ASTN2: variants seen among roughly 807,000 people sequenced by gnomAD.
ASTN2 encodes astrotactin-2.
Under a neutral mutation model 139.8 loss-of-function variants are expected in ASTN2, and 54 were observed. The observed-to-expected ratio is 0.39, with a 90% CI of 0.31 to 0.48. The LOEUF (loss-of-function observed/expected upper bound fraction) is 0.48, where lower values mean the gene tolerates loss of function less well. Among genes scored for constraint, ASTN2 ranks in the 20% least tolerant of loss-of-function variants. The pLI, the probability that ASTN2 is intolerant of heterozygous loss-of-function variation, is 0.95. For synonymous variants in ASTN2, 756 were observed against 719.5 expected (o/e 1.05, Z -0.81); for missense variants, 1,565 against 1,725.1 (o/e 0.91, Z 1.64).
At chr9:117,007,230 C>G (rs1234453575) in intron 7 of ASTN2, among the ~76,000 whole-genome samples, 3 of 152,180 alleles carry the variant, frequency 2.0e-5, no homozygotes, top group Non-Finnish European at 2.9e-5. Flanking sequence ...AAACTCCCAG[C>G]TTAGCACTCC....
chr9:116,867,210 A>G (rs144546441), intron 10 of ASTN2, among the ~76,000 whole-genome samples: 300 of 152,236 alleles, frequency 2.0e-3, no homozygotes, highest in African/African-American at 6.6e-3. Flanking sequence ...TAAGAAACAG[A>G]TGAAAAGAGG....
At chr9:116,581,241 G>A (rs1853938944) in intron 19 of ASTN2, among the ~76,000 whole-genome samples, 1 of 152,082 alleles carries the variant, frequency 6.6e-6, no homozygotes, top group African/African-American at 2.4e-5. Flanking sequence ...TCAGCTGGAT[G>A]GCAACATGGC....
chr9:117,368,279 G>GCACACATGTGCATGCACACACA (rs1284566670), intron 1 of ASTN2, among the ~76,000 whole-genome samples: 8 of 151,720 alleles, frequency 5.3e-5, no homozygotes, highest in African/African-American at 1.5e-4. Flanking sequence ...ATGCACATGC[G>GCACACATGTGCATGCACACACA]CACACATGTG....
At chr9:116,540,294 T>C (rs920699650) in intron 19 of ASTN2, 1 of 152,114 alleles carries the variant, frequency 6.6e-6, no homozygotes, top group South Asian at 2.1e-4. Flanking sequence ...GCTTAAAACA[T>C]AAGGAAAAGA....
At chr9:116,505,440 A>T (rs1850068738) in intron 19 of ASTN2, among the ~76,000 whole-genome samples, 1 of 152,184 alleles carries the variant, frequency 6.6e-6, no homozygotes, top group South Asian at 2.1e-4. Flanking sequence ...AAAGCAAGGC[A>T]AAACCAAACC....
At chr9:117,233,482 A>C (rs1160136296) in intron 2 of ASTN2, among the ~76,000 whole-genome samples, 1 of 152,170 alleles carries the variant, frequency 6.6e-6, no homozygotes, top group African/African-American at 2.4e-5. Context: ...CAAATTACTA[A>C]GGGCTATCTA....
rs73658705 is a variant in ASTN2, at chr9:116,868,454, A to G, written c.1890-4721T>C. On this transcript the variant is annotated intron_variant, in intron 10 of 22. Coordinates refer to ENST00000313400, the MANE Select transcript of ASTN2 (RefSeq NM_001365068.1). ...CCTCCTAACAGTAAGGCCCGTAAGA[A>G]TGTGTGTTCAATCTCTCTGTCTTAG... Among the ~76,000 whole-genome samples the G allele has an allele frequency of 2.2e-3, 331 of 152,220 alleles. 2 individuals are homozygous for G. The highest frequency in any genetic ancestry group is 7.5e-3 in the African/African-American group (310 of 41,528).
intron 3 of ASTN2, among the ~76,000 whole-genome samples, chr9:117,187,281 C>T (rs1248192880): frequency 6.6e-6 from 1 of 152,060 alleles, no homozygotes; most frequent in Admixed American, 6.5e-5. Context: ...CCTGAAGGAA[C>T]TGGGGGAACA....
intron 16 of ASTN2, chr9:116,697,578 T>C: frequency 1.2e-6 from 1 of 856,244 alleles, no homozygotes; most frequent in Non-Finnish European, 1.8e-6. Flanking sequence ...GAATGACTGG[T>C]CATAGCTATT....
chr9:117,348,586 CT>C (rs1829295323), intron 1 of ASTN2, among the ~76,000 whole-genome samples: 1 of 152,100 alleles, frequency 6.6e-6, no homozygotes, highest in Non-Finnish European at 1.5e-5. Context: ...GATTTGTGTT[CT>C]GTATCCTTAA....
intron 11 of ASTN2, among the ~76,000 whole-genome samples, chr9:116,842,548 T>C (rs1173016365): frequency 6.6e-6 from 1 of 151,768 alleles, no homozygotes; most frequent in Non-Finnish European, 1.5e-5. Flanking sequence ...CAGTCCCCAG[T>C]CCCCCACCCC....
intron 17 of ASTN2, among the ~76,000 whole-genome samples, chr9:116,645,714 A>G (rs547168482): frequency 6.6e-6 from 1 of 152,326 alleles, no homozygotes; most frequent in East Asian, 1.9e-4. Context: ...TATGATATTC[A>G]TTGCCAACAG....
intron 18 of ASTN2, among the ~76,000 whole-genome samples, chr9:116,619,926 T>A (rs546082334): frequency 6.6e-6 from 1 of 152,218 alleles, no homozygotes; most frequent in East Asian, 1.9e-4. Flanking sequence ...ACTGTGCCAA[T>A]CTTGTTTCGT....
chr9:117,197,779 CTTT>C (rs1564472695), intron 3 of ASTN2, among the ~76,000 whole-genome samples: 1 of 152,172 alleles, frequency 6.6e-6, no homozygotes, highest in African/African-American at 2.4e-5. Context: ...ATACAAACTT[CTTT>C]TTTTGTCTGA....
At chr9:116,581,021 G>A (rs930666094) in intron 19 of ASTN2, among the ~76,000 whole-genome samples, 10 of 152,080 alleles carry the variant, frequency 6.6e-5, no homozygotes, top group Non-Finnish European at 1.3e-4. Context: ...AAGTTTTGTT[G>A]GACTCTTTTC....
At chr9:116,782,014 A>T (rs1193589383) in intron 13 of ASTN2, among the ~76,000 whole-genome samples, 1 of 151,960 alleles carries the variant, frequency 6.6e-6, no homozygotes, top group Non-Finnish European at 1.5e-5. Flanking sequence ...CAAAACCCAT[A>T]CTCTTTCCAG....
At chr9:116,761,961 C>T (rs939075480) in intron 13 of ASTN2, among the ~76,000 whole-genome samples, 7 of 152,100 alleles carry the variant, frequency 4.6e-5, no homozygotes, top group Admixed American at 1.3e-4. Context: ...TGGGTGCTGG[C>T]GAAGATTCTT....
In ASTN2 at chr9:116,845,243, T is replaced by C. The variant is rs186168639; in HGVS notation, c.2040+18340A>G. Among the ~76,000 whole-genome samples, 422 of 152,188 alleles carry C rather than the reference T, an allele frequency of 2.8e-3. 2 individuals are homozygous for C. The highest frequency in any genetic ancestry group is 0.01 in the Middle Eastern group (3 of 294). ...CATTCTCCCGCCTCAGCCTCCCGAG[T>C]AGCTGGGACTACAGGCGCCTGCCAC... is the stretch of plus-strand genomic sequence containing the variant. On this transcript the variant is annotated intron_variant, in intron 11 of 22. Transcript: ENST00000313400.
intron 19 of ASTN2, among the ~76,000 whole-genome samples, chr9:116,512,026 T>C (rs1850410587): frequency 6.6e-6 from 1 of 152,198 alleles, no homozygotes; most frequent in African/African-American, 2.4e-5. Context: ...TGATCTTAGT[T>C]ATTTCTTGCC....
Sources: allele counts gnomAD v4.1 joint callset (sites outside exome capture counted in the v4.1 genomes callset), GRCh38; gene constraint gnomAD v4.1.1; transcripts MANE v1.5; gene names NCBI Gene and HGNC (gene_info 2026-07-23, HGNC 2026-07-21).